Variants in PCDH9 observed in about 807,000 individuals in gnomAD.
The protein encoded by PCDH9 is protocadherin 9.
Under a neutral mutation model 70.6 loss-of-function variants are expected in PCDH9, and 24 were observed. That is an observed-to-expected ratio of 0.34 (90% CI 0.25 to 0.48). The LOEUF (loss-of-function observed/expected upper bound fraction) is 0.48. Among genes scored for constraint, PCDH9 ranks in the 20% least tolerant of loss-of-function variants. PCDH9 has a pLI of 0.99. For missense variants in PCDH9, 1,281 were observed against 1,503.6 expected (o/e 0.85, Z 2.45); for synonymous variants, 562 against 558.5 (o/e 1.01, Z -0.09).
In PCDH9 at chr13:66,682,336, C is replaced by G. The variant is rs554870632; in HGVS notation, c.3139-50925G>C. 2.0e-5 allele frequency among the ~76,000 whole-genome samples: 3 copies of G among 150,300 alleles called. No individual in the cohort carries two copies. In the South Asian group the frequency reaches 6.5e-4, roughly 32 times the overall value. Reference sequence around the variant, plus strand: ...TATGAATGCGTGACCTATCGCTATGCCTGTAGCTGTATTTATTATCTATCT... The same window carrying G: ...TATGAATGCGTGACCTATCGCTATGGCTGTAGCTGTATTTATTATCTATCT... On this transcript the variant is annotated intron_variant, in intron 3 of 4. Coordinates refer to ENST00000377865, the MANE Select transcript of PCDH9 (RefSeq NM_203487.3).
At chr13:67,135,815 TTC>T (rs1198298542) in intron 2 of PCDH9, among the ~76,000 whole-genome samples, 1 of 152,132 alleles carries the variant, frequency 6.6e-6, no homozygotes, top group African/African-American at 2.4e-5. Flanking sequence ...TTCAGATTTT[TTC>T]TCTCATATAA....
chr13:66,451,124 G>A (rs1279583563), intron 4 of PCDH9, among the ~76,000 whole-genome samples: 5 of 152,156 alleles, frequency 3.3e-5, no homozygotes, highest in Admixed American at 6.6e-5. Context: ...AAACTTGCAC[G>A]TTGTGCACAT....
chr13:66,468,090 A>T (rs1958550132), intron 4 of PCDH9, among the ~76,000 whole-genome samples: 1 of 151,986 alleles, frequency 6.6e-6, no homozygotes, highest in Non-Finnish European at 1.5e-5. Context: ...GATATCTAAA[A>T]GCTTTCTTAA....
intron 4 of PCDH9, among the ~76,000 whole-genome samples, chr13:66,437,028 T>C (rs546443088): frequency 6.6e-6 from 1 of 151,458 alleles, no homozygotes; most frequent in South Asian, 2.1e-4. Context: ...TCACAGTTCC[T>C]ATTCAGCTTC....
chr13:66,673,158 C>T (rs966702624), intron 3 of PCDH9, among the ~76,000 whole-genome samples: 5 of 152,076 alleles, frequency 3.3e-5, no homozygotes, highest in African/African-American at 1.2e-4. Flanking sequence ...CCCCTCATAT[C>T]GTGGGAGGGA....
intron 3 of PCDH9, among the ~76,000 whole-genome samples, chr13:66,660,027 C>T (rs1234551363): frequency 6.6e-6 from 1 of 152,108 alleles, no homozygotes; most frequent in Non-Finnish European, 1.5e-5. Flanking sequence ...TGGAGCTAAA[C>T]GAATGCCTAA....
intron 2 of PCDH9, among the ~76,000 whole-genome samples, chr13:67,099,605 G>A (rs1270910355): frequency 2.0e-5 from 3 of 152,068 alleles, no homozygotes; most frequent in East Asian, 1.9e-4. Context: ...TGACTAGACC[G>A]CACAGTGGGG....
chr13:66,821,605 A>G (rs953215930), intron 3 of PCDH9, among the ~76,000 whole-genome samples: 7 of 152,164 alleles, frequency 4.6e-5, no homozygotes, highest in African/African-American at 1.7e-4. Context: ...ATAAATTTGG[A>G]GTGGTAAATG....
intron 4 of PCDH9, among the ~76,000 whole-genome samples, chr13:66,538,166 C>A (rs549126861): frequency 2.0e-5 from 3 of 152,054 alleles, no homozygotes; most frequent in Non-Finnish European, 4.4e-5. Context: ...CTGCTTTGCA[C>A]TGTTGGTTTC....
intron 2 of PCDH9, among the ~76,000 whole-genome samples, chr13:67,200,066 A>T (rs192640375): frequency 2.0e-5 from 3 of 152,264 alleles, no homozygotes; most frequent in Admixed American, 1.3e-4. Context: ...CATGCATTCT[A>T]CATTTATGAT....
At chr13:66,766,518 T>C (rs988947696) in intron 3 of PCDH9, among the ~76,000 whole-genome samples, 4 of 152,128 alleles carry the variant, frequency 2.6e-5, no homozygotes, top group East Asian at 1.9e-4. Context: ...TTAATACTTA[T>C]AGTGTAGATA....
intron 4 of PCDH9, among the ~76,000 whole-genome samples, chr13:66,522,293 A>C (rs541319383): frequency 2.6e-5 from 4 of 152,122 alleles, no homozygotes; most frequent in Non-Finnish European, 5.9e-5. Flanking sequence ...AGTGACAAAG[A>C]CAAAAAAAAT....
intron 3 of PCDH9, among the ~76,000 whole-genome samples, chr13:66,653,637 T>C (rs1465354379): frequency 6.6e-6 from 1 of 151,972 alleles, no homozygotes; most frequent in Non-Finnish European, 1.5e-5. Context: ...AGAGCTACCA[T>C]ATGATCCAGC....
intron 3 of PCDH9, among the ~76,000 whole-genome samples, chr13:66,665,926 A>G (rs532989438): frequency 5.6e-4 from 86 of 152,304 alleles, no homozygotes; most frequent in African/African-American, 2.0e-3. Context: ...AAAGAGGGAC[A>G]TAGACAGAAT....
chr13:66,517,807 C>T lies in PCDH9; in HGVS notation c.3340+113403G>A, dbSNP rs532929774. On this transcript the variant is annotated intron_variant, in intron 4 of 4. Transcript: ENST00000377865. ...GATTTTTTTCCTCTTAATGATTTTA[C>T]ATCTTTAAAATTTTGTGCTGCAATA... Among the ~76,000 whole-genome samples the T allele has an allele frequency of 4.6e-5, 7 of 152,218 alleles. No homozygotes were observed. The East Asian group carries it at 1.3e-3, about 29-fold the overall frequency.
At chr13:67,177,838 G>A (rs181863335) in intron 2 of PCDH9, among the ~76,000 whole-genome samples, 281 of 152,106 alleles carry the variant, frequency 1.8e-3, no homozygotes, top group Admixed American at 7.1e-3. Flanking sequence ...CCAAAATTGA[G>A]CCCAGTGCAT....
At chr13:66,506,446 A>G (rs955963224) in intron 4 of PCDH9, among the ~76,000 whole-genome samples, 1 of 152,250 alleles carries the variant, frequency 6.6e-6, no homozygotes, top group African/African-American at 2.4e-5. Flanking sequence ...CCAGAGACAG[A>G]AAAACATGTC....
intron 4 of PCDH9, among the ~76,000 whole-genome samples, chr13:66,596,524 T>C (rs1489118777): frequency 6.6e-6 from 1 of 151,728 alleles, no homozygotes. Context: ...TCATTTCTTC[T>C]ATATGTTACA....
intron 4 of PCDH9, among the ~76,000 whole-genome samples, chr13:66,563,318 A>G (rs2138715100): frequency 6.6e-6 from 1 of 152,268 alleles, no homozygotes; most frequent in Non-Finnish European, 1.5e-5. Flanking sequence ...CAACAGTTAA[A>G]TGGAATCTAT....
Sources: gnomAD v4.1 joint callset for allele counts (sites outside exome capture counted in the v4.1 genomes callset) on GRCh38, gnomAD v4.1.1 for gene constraint, MANE v1.5 for transcripts, NCBI Gene and HGNC (gene_info 2026-07-23, HGNC 2026-07-21) for gene names.